The following SPATA6 variants were observed in gnomAD, a reference collection of about 807,000 sequenced individuals.
SPATA6 encodes spermatogenesis associated 6.
Under a neutral mutation model 65.3 loss-of-function variants are expected in SPATA6, and 56 were observed. That is an observed-to-expected ratio of 0.86 (90% confidence interval 0.69 to 1.07). SPATA6 has a LOEUF of 1.07. Ranked by LOEUF, SPATA6 falls within the 50% of genes least tolerant of loss-of-function variation. The pLI, the probability that SPATA6 is intolerant of heterozygous loss-of-function variation, is 0.00. For missense variants in SPATA6, 590 were observed against 594.8 expected, an observed-to-expected ratio of 0.99 and a Z score of 0.08; for synonymous variants, 199 against 213.2, an observed-to-expected ratio of 0.93 and a Z score of 0.58.
At chr1:48,413,003 A>G in intron 4 of SPATA6, 107 bp downstream of exon 4, 1 of 316,120 alleles carries the variant, frequency 3.2e-6, no homozygotes, top group Non-Finnish European at 5.3e-6. Context: ...ATAATACACT[A>G]TATTATATCC....
intron 3 of SPATA6, among the ~76,000 whole-genome samples, chr1:48,429,665 G>T (rs1314034740): frequency 6.6e-6 from 1 of 152,056 alleles, no homozygotes; most frequent in Non-Finnish European, 1.5e-5. Context: ...CTGTGGAAAA[G>T]ACCTTATGGC....
chr1:48,281,867 C>T, the SPATA6 span, among the ~76,000 whole-genome samples: 1 of 152,198 alleles, frequency 6.6e-6, no homozygotes, highest in South Asian at 2.1e-4. Flanking sequence ...AAAGAGCCTG[C>T]ATCACCAAGT....
chr1:48,433,333 T>G (rs772814451), intron 3 of SPATA6, among the ~76,000 whole-genome samples: 2 of 152,128 alleles, frequency 1.3e-5, no homozygotes, highest in African/African-American at 4.8e-5. Flanking sequence ...GGAGAAAGAC[T>G]ATAAATTATT....
At chr1:48,283,005 A>T in the SPATA6 span, among the ~76,000 whole-genome samples, 1 of 152,138 alleles carries the variant, frequency 6.6e-6, no homozygotes, top group African/African-American at 2.4e-5. Flanking sequence ...ATGCAGCCAT[A>T]AAAAATGATG....
At chr1:48,388,566 G>A (rs1649727800) in intron 8 of SPATA6, among the ~76,000 whole-genome samples, 1 of 152,046 alleles carries the variant, frequency 6.6e-6, no homozygotes, top group Admixed American at 6.5e-5. Flanking sequence ...GAGATACAAG[G>A]CATTCTGAAA....
chr1:48,280,209 A>G, the SPATA6 span, among the ~76,000 whole-genome samples: 3 of 152,212 alleles, frequency 2.0e-5, no homozygotes, highest in South Asian at 2.1e-4. Context: ...TTATAGCACT[A>G]AATGCCCACA....
intron 10 of SPATA6, among the ~76,000 whole-genome samples, 178 bp from the exon 11 acceptor site, chr1:48,355,947 TTTAA>T (rs1332734280): frequency 1.3e-5 from 2 of 152,316 alleles, no homozygotes; most frequent in South Asian, 2.1e-4. Flanking sequence ...TATTTGGAGC[TTTAA>T]TTAAAGATAC....
At chr1:48,347,328 T>C (rs1646391794) in intron 11 of SPATA6, among the ~76,000 whole-genome samples, 1 of 151,372 alleles carries the variant, frequency 6.6e-6, no homozygotes, top group African/African-American at 2.4e-5. Flanking sequence ...AATTAAAGAC[T>C]TAAATATAAA....
chr1:48,419,948 T>G (rs1653163295), intron 3 of SPATA6, among the ~76,000 whole-genome samples: 1 of 152,140 alleles, frequency 6.6e-6, no homozygotes, highest in Non-Finnish European at 1.5e-5. Context: ...ATATTTGGTC[T>G]TCATCCCCCT....
intron 11 of SPATA6, among the ~76,000 whole-genome samples, chr1:48,319,122 T>C (rs1645525424): frequency 6.6e-6 from 1 of 152,142 alleles, no homozygotes; most frequent in South Asian, 2.1e-4. Flanking sequence ...CAACTCAAAA[T>C]TGATCAATGA....
the SPATA6 span, among the ~76,000 whole-genome samples, chr1:48,273,442 A>G: frequency 6.6e-6 from 1 of 152,162 alleles, no homozygotes; most frequent in African/African-American, 2.4e-5. Context: ...TACTGGACCC[A>G]TCAACCAGTC....
rs1249873720 is a variant in SPATA6, at chr1:48,295,516, A to G, written c.*3197T>C. The G allele has an allele frequency of 6.6e-6, 1 of 152,222 alleles. No individual in the cohort carries two copies. The highest frequency in any genetic ancestry group is 2.4e-5 in the African/African-American group (1 of 41,458). 9.4% of individuals were successfully genotyped at this position (152,222 alleles called of 1,614,324 possible). ...TCACATGTTGTATGGTTCCATTTAT[A>G]TGAAATGTCCAGAATAGGCATGGAG... On this transcript the variant is annotated 3_prime_UTR_variant, in exon 13 of 13. Transcript: ENST00000371847.
chr1:48,395,820 A>T (rs1650534100), intron 7 of SPATA6, among the ~76,000 whole-genome samples: 1 of 151,826 alleles, frequency 6.6e-6, no homozygotes, highest in African/African-American at 2.4e-5. Context: ...AGTTAACCAC[A>T]TTTCCTAACA....
chr1:48,269,826 AAT>A, the SPATA6 span, among the ~76,000 whole-genome samples: 3 of 151,342 alleles, frequency 2.0e-5, no homozygotes, highest in East Asian at 1.9e-4. Context: ...TAAAATTTAA[AAT>A]ATATATATAA....
the SPATA6 span, chr1:48,262,442 T>G: frequency 6.6e-6 from 1 of 152,144 alleles, no homozygotes; most frequent in Admixed American, 6.5e-5. Context: ...CATTTTCCAC[T>G]TGCACATTGC....
At chr1:48,280,097 A>T in the SPATA6 span, among the ~76,000 whole-genome samples, 1 of 152,262 alleles carries the variant, frequency 6.6e-6, no homozygotes. Context: ...GTACATAACG[A>T]AATGAAGGCA....
At chr1:48,314,454 T>C (rs564778723) in intron 11 of SPATA6, among the ~76,000 whole-genome samples, 20 of 152,106 alleles carry the variant, frequency 1.3e-4, no homozygotes, top group Admixed American at 3.3e-4. Flanking sequence ...GGGTACATAA[T>C]GAAATGAAGG....
At chr1:48,408,720 G>A (rs1164456263) in intron 5 of SPATA6, among the ~76,000 whole-genome samples, 1 of 152,166 alleles carries the variant, frequency 6.6e-6, no homozygotes, top group Non-Finnish European at 1.5e-5. Flanking sequence ...TGGAATGCAG[G>A]GAGGAGCAAG....
intron 6 of SPATA6, among the ~76,000 whole-genome samples, chr1:48,401,633 T>C (rs915147788): frequency 2.6e-5 from 4 of 152,140 alleles, no homozygotes; most frequent in Admixed American, 1.3e-4. Context: ...GCCTGATAGA[T>C]GATGGGACTA....
Sources: gnomAD v4.1 joint callset for allele counts (sites outside exome capture counted in the v4.1 genomes callset) on GRCh38, gnomAD v4.1.1 for gene constraint, MANE v1.5 for transcripts, NCBI Gene and HGNC (gene_info 2026-07-23, HGNC 2026-07-21) for gene names.